Variants in PTPDC1 observed in about 807,000 individuals in gnomAD.
PTPDC1 encodes protein tyrosine phosphatase domain containing 1, also known as protein tyrosine phosphatase domain-containing protein 1.
A neutral mutation model predicts 75.3 loss-of-function variants in PTPDC1; 53 were observed. The observed-to-expected ratio is 0.70, with a 90% CI of 0.56 to 0.88. The LOEUF is 0.88. Ranked by LOEUF, PTPDC1 falls within the 40% of genes least tolerant of loss-of-function variation. The pLI is 0.00. For missense variants in PTPDC1, 925 were observed against 998.6 expected, an observed-to-expected ratio of 0.93 and a Z score of 0.99; for synonymous variants, 349 against 366.2, an observed-to-expected ratio of 0.95 and a Z score of 0.54.
At chr9:94,085,121 T>A (rs1252263665) in intron 1 of PTPDC1, 130 bp from the exon 2 acceptor site, 2 of 782,442 alleles carry the variant, frequency 2.6e-6, no homozygotes, top group Non-Finnish European at 4.0e-6. Context: ...TTTTGTTTTC[T>A]TGACAAGATG....
intron 2 of PTPDC1, among the ~76,000 whole-genome samples, chr9:94,070,266 A>G (rs951324410): frequency 1.3e-5 from 2 of 151,656 alleles, no homozygotes; most frequent in Non-Finnish European, 2.9e-5. Context: ...CAGTCTCTCA[A>G]CCCTGCCAGG....
At position 94,095,380 on chromosome 9, in the gene PTPDC1, T is replaced by C; in HGVS notation, c.680T>C (p.Met227Thr). The change falls in exon 5 of 9, where the codon ATG (methionine) becomes ACG (threonine). Residue 227 changes from methionine (M) to threonine (T), a missense_variant. Transcript: ENST00000620992. ...GVASLTTILD[M>T]VKVMTFALQE... ...GCGTCTCTTACTACTATCCTAGATA[T>C]GGTGAAGGTGATGACATTTGCCTTA... The C allele has an allele frequency of 6.2e-7, 1 of 1,612,976 alleles. No homozygotes were observed.
Position 94,097,811 on chromosome 9 carries a change from G to A in PTPDC1, c.1245G>A (p.Met415Ile), listed in dbSNP as rs764465258. The A allele has an allele frequency of 1.9e-6, 3 of 1,614,184 alleles. No individual in the cohort carries two copies. Among genetic ancestry groups the A allele is most frequent in the Non-Finnish European group, 2.5e-6 (3 of 1,180,032 alleles). The change falls in exon 6 of 9, where the codon ATG (methionine) becomes ATA (isoleucine). Residue 415 changes from methionine (M) to isoleucine (I), a missense_variant. By Grantham distance (10) the Met-to-Ile change is conservative (BLOSUM62 1). Coordinates refer to ENST00000620992, the MANE Select transcript of PTPDC1 (RefSeq NM_001253829.2). The stretch of plus-strand genomic sequence containing the variant: ...CAGCAGATTTTGACAATCGAGGCAT[G>A]ATTTTCTCCAATGAGCAACAGTTTG... ...AVAADFDNRG[M>I]IFSNEQQFDP... is the part of the protein sequence containing the mutation.
upstream of PTPDC1, among the ~76,000 whole-genome samples, chr9:94,081,288 C>T (rs989396380): frequency 2.6e-5 from 4 of 152,092 alleles, no homozygotes; most frequent in African/African-American, 9.7e-5. Flanking sequence ...CCATGCCCAG[C>T]CAAGGAAAAA....
At position 94,036,092 on chromosome 9, in the gene PTPDC1, T is replaced by G. The variant is rs1416062945; in HGVS notation, c.-7+4965T>G. On this transcript the variant is annotated intron_variant, in intron 1 of 9. Transcript: ENST00000375360. The stretch of plus-strand genomic sequence containing the variant: ...CTGATGTATTTTGGATATTAATCCC[T>G]TATCAGATATATGGTTTGCAAACAT... 4.7e-5 allele frequency among the ~76,000 whole-genome samples: 7 copies of G among 150,178 alleles called. No homozygotes were observed. In the South Asian group the frequency reaches 1.5e-3, roughly 32 times the overall value.
chr9:94,082,504 T>A (rs1027453084), upstream of PTPDC1, among the ~76,000 whole-genome samples: 4 of 152,262 alleles, frequency 2.6e-5, no homozygotes, highest in African/African-American at 9.6e-5. Context: ...TTGTTGTGTT[T>A]ATTGTAACTG....
chr9:94,048,076 C>T (rs550878681), intron 1 of PTPDC1, among the ~76,000 whole-genome samples: 1 of 152,244 alleles, frequency 6.6e-6, no homozygotes, highest in South Asian at 2.1e-4. Flanking sequence ...TTTATTGCAT[C>T]TGTTTGATTC....
intron 1 of PTPDC1, among the ~76,000 whole-genome samples, chr9:94,060,848 G>A (rs188305446): frequency 1.3e-5 from 2 of 152,118 alleles, no homozygotes; most frequent in Admixed American, 1.3e-4. Flanking sequence ...TCAACATTGG[G>A]GATTACAATT....
chr9:94,063,304 A>G (rs1826200274), intron 1 of PTPDC1, among the ~76,000 whole-genome samples: 1 of 152,236 alleles, frequency 6.6e-6, no homozygotes, highest in South Asian at 2.1e-4. Context: ...AAATAGTCCA[A>G]ATTTTAAAAT....
chr9:94,101,322 C>G (rs574051084), intron 6 of PTPDC1: 1 of 374,556 alleles, frequency 2.7e-6, no homozygotes, highest in Non-Finnish European at 4.8e-6. Context: ...TCAATCAGCC[C>G]AACAGCTTGT....
intron 1 of PTPDC1, among the ~76,000 whole-genome samples, chr9:94,061,901 G>A (rs887064221): frequency 1.1e-4 from 16 of 152,208 alleles, no homozygotes; most frequent in African/African-American, 3.9e-4. Flanking sequence ...ATCAGCACTT[G>A]CCTTCCTTTT....
At chr9:94,056,015 A>G (rs1192952049) in intron 1 of PTPDC1, among the ~76,000 whole-genome samples, 2 of 151,988 alleles carry the variant, frequency 1.3e-5, no homozygotes, top group Non-Finnish European at 2.9e-5. Flanking sequence ...CAAACTTACC[A>G]CTCTGTTGGG....
intron 1 of PTPDC1, among the ~76,000 whole-genome samples, chr9:94,033,374 G>C (rs1055007482): frequency 1.3e-5 from 2 of 152,046 alleles, no homozygotes; most frequent in African/African-American, 2.4e-5. Context: ...ATCGTTTCAC[G>C]TACCTCATGT....
At chr9:94,039,121 C>T (rs1401075210) in intron 1 of PTPDC1, among the ~76,000 whole-genome samples, 1 of 152,034 alleles carries the variant, frequency 6.6e-6, no homozygotes, top group African/African-American at 2.4e-5. Flanking sequence ...GGGAATGGTG[C>T]TTTGGCCAAC....
chr9:94,062,142 A>C (rs1826162537), intron 1 of PTPDC1, among the ~76,000 whole-genome samples: 2 of 152,082 alleles, frequency 1.3e-5, no homozygotes, highest in South Asian at 4.1e-4. Context: ...TCCACTAGAT[A>C]CCCTAAATTC....
At chr9:94,050,006 C>T (rs1310823500) in intron 1 of PTPDC1, among the ~76,000 whole-genome samples, 2 of 152,188 alleles carry the variant, frequency 1.3e-5, no homozygotes, top group East Asian at 3.8e-4. Flanking sequence ...TTGATCGAAT[C>T]GGCTACTGAG....
intron 1 of PTPDC1, among the ~76,000 whole-genome samples, chr9:94,047,966 C>T (rs1587844718): frequency 6.6e-6 from 1 of 152,208 alleles, no homozygotes; most frequent in Non-Finnish European, 1.5e-5. Context: ...CAGATGGATT[C>T]ACAGCTGAAT....
intron 2 of PTPDC1, among the ~76,000 whole-genome samples, chr9:94,070,209 T>C (rs1826465253): frequency 6.6e-6 from 1 of 152,214 alleles, no homozygotes; most frequent in African/African-American, 2.4e-5. Context: ...CTGGCTCTTA[T>C]TATCCCCAGT....
intron 2 of PTPDC1, among the ~76,000 whole-genome samples, chr9:94,069,251 T>G (rs1352627815): frequency 2.0e-5 from 3 of 152,170 alleles, no homozygotes; most frequent in Non-Finnish European, 4.4e-5. Context: ...CAGTCATCCC[T>G]CCTTGTACAC....
Sources: gnomAD v4.1 joint callset for allele counts (sites outside exome capture counted in the v4.1 genomes callset) on GRCh38, gnomAD v4.1.1 for gene constraint, MANE v1.5 for transcripts, NCBI Gene and HGNC (gene_info 2026-07-23, HGNC 2026-07-21) for gene names.